Variants in DLGAP1 observed in about 807,000 individuals in gnomAD.
DLGAP1 encodes the protein disks large-associated protein 1.
DLGAP1 carries 11 observed loss-of-function variants against 90.8 expected under a neutral mutation model. The ratio of observed to expected loss-of-function variants is 0.12; its 90% CI spans 0.08 to 0.20. The LOEUF is 0.20. Among genes scored for constraint, DLGAP1 ranks in the 10% least tolerant of loss-of-function variants. DLGAP1 has a pLI of 1.00. For missense variants in DLGAP1, 1,050 were observed against 1,333.8 expected (o/e 0.79, Z 3.31); for synonymous variants, 558 against 540.7 (o/e 1.03, Z -0.44).
intron 1 of DLGAP1, among the ~76,000 whole-genome samples, chr18:4,257,626 CTTTCT>C (rs1329153440): frequency 1.2e-3 from 177 of 151,016 alleles, no homozygotes; most frequent in African/African-American, 4.2e-3. Context: ...TTTTCTTTTC[CTTTCT>C]TTTTTTTTTT....
rs536010280 is a variant in DLGAP1 at position 3,688,283 on chromosome 18, A to C, written c.1591+40852T>G. On this transcript the variant is annotated intron_variant, in intron 7 of 12. Coordinates refer to ENST00000315677, the MANE Select transcript of DLGAP1 (RefSeq NM_004746.4). Reference sequence around the variant, plus strand: ...AAATGGATATAGTTAATGGTTATCAAATGTGAATTTCTTGATTCATATGAA... The same window carrying C: ...AAATGGATATAGTTAATGGTTATCACATGTGAATTTCTTGATTCATATGAA... Among the ~76,000 whole-genome samples, 4 of 152,234 alleles carry C rather than the reference A, an allele frequency of 2.6e-5. No homozygotes were observed. The South Asian group carries it at 8.3e-4, about 32-fold the overall frequency.
At chr18:3,741,220 CAT>C (rs1315227677) in intron 6 of DLGAP1, among the ~76,000 whole-genome samples, 3 of 113,344 alleles carry the variant, frequency 2.6e-5, no homozygotes, top group Non-Finnish European at 3.7e-5. Flanking sequence ...ACCACCACCA[CAT>C]CACCATCACC....
rs1363451801 is a variant in DLGAP1, at chr18:3,933,336, A to G, written c.-72-53196T>C. ...AATACATGCAGTGGGCTGAGAATTG[A>G]TCATCACGGTTCAGGTTGCAGAAAT... is the stretch of plus-strand genomic sequence containing the variant. On this transcript the variant is annotated intron_variant, in intron 3 of 12. Transcript: ENST00000315677. Among the ~76,000 whole-genome samples the G allele has an allele frequency of 4.6e-5, 7 of 152,310 alleles. No individual in the cohort carries two copies. The South Asian group carries it at 1.0e-3, about 23-fold the overall frequency.
At chr18:3,659,812 C>T (rs934829518) in intron 7 of DLGAP1, among the ~76,000 whole-genome samples, 4 of 152,178 alleles carry the variant, frequency 2.6e-5, no homozygotes, top group African/African-American at 9.7e-5. Context: ...GATCCGCCTG[C>T]CTCGGCCTCC....
chr18:3,743,413 G>A (rs1234533932), intron 5 of DLGAP1, among the ~76,000 whole-genome samples: 2 of 151,632 alleles, frequency 1.3e-5, no homozygotes, highest in Non-Finnish European at 2.9e-5. Flanking sequence ...GGAGTGCAGT[G>A]GCGCAACTTT....
Position 3,841,097 on chromosome 18 carries a change from CCCAGTGAAATA to C in DLGAP1, c.958-26835_958-26825del, listed in dbSNP as rs1470092965. ...GTGGTAACAAGTAGCAGTTTGCTTCCCCAGTGAAATACCAGTGGAAGCCCCCCTAAGTAGTC... is the reference window on the plus strand; with the variant it reads ...GTGGTAACAAGTAGCAGTTTGCTTCCCCAGTGGAAGCCCCCCTAAGTAGTC... On this transcript the variant is annotated intron_variant, in intron 4 of 12. Coordinates refer to ENST00000315677, the MANE Select transcript of DLGAP1 (RefSeq NM_004746.4). Among the ~76,000 whole-genome samples, 73 of 152,144 alleles carry C rather than the reference CCCAGTGAAATA, an allele frequency of 4.8e-4. 1 individual carries two copies. The highest frequency in any genetic ancestry group is 5.0e-4 in the Non-Finnish European group (34 of 68,032).
At chr18:3,663,101 G>A (rs1366272559) in intron 7 of DLGAP1, among the ~76,000 whole-genome samples, 1 of 151,952 alleles carries the variant, frequency 6.6e-6, no homozygotes, top group Non-Finnish European at 1.5e-5. Context: ...GTGAAACCCC[G>A]TCTCTACTAA....
At chr18:4,370,674 G>A (rs895916498) in intron 1 of DLGAP1, among the ~76,000 whole-genome samples, 14 of 152,166 alleles carry the variant, frequency 9.2e-5, no homozygotes, top group Non-Finnish European at 1.9e-4. Flanking sequence ...GAAGAGAGAG[G>A]AAGAAGCGCC....
intron 1 of DLGAP1, among the ~76,000 whole-genome samples, chr18:4,437,655 G>A (rs2083434277): frequency 6.6e-6 from 1 of 152,142 alleles, no homozygotes; most frequent in Non-Finnish European, 1.5e-5. Context: ...AGAAACCATG[G>A]ATACAGAAGG....
At chr18:4,280,159 G>C (rs185231821) in intron 1 of DLGAP1, among the ~76,000 whole-genome samples, 1 of 151,858 alleles carries the variant, frequency 6.6e-6, no homozygotes, top group African/African-American at 2.4e-5. Context: ...CTTAATATCT[G>C]TATAAGTTGA....
chr18:4,400,681 T>A (rs1225260351), intron 1 of DLGAP1, among the ~76,000 whole-genome samples: 1 of 152,084 alleles, frequency 6.6e-6, no homozygotes, highest in Non-Finnish European at 1.5e-5. Context: ...GTTAAGACTC[T>A]TAGGACAAAG....
chr18:4,201,667 T>C (rs2077609167), intron 1 of DLGAP1, among the ~76,000 whole-genome samples: 1 of 150,774 alleles, frequency 6.6e-6, no homozygotes, highest in Admixed American at 6.6e-5. Context: ...GGAAAAGATG[T>C]GAACAGACAT....
intron 9 of DLGAP1, among the ~76,000 whole-genome samples, chr18:3,548,091 G>A (rs1271455198): frequency 6.6e-6 from 1 of 152,166 alleles, no homozygotes; most frequent in Admixed American, 6.5e-5. Flanking sequence ...GAGACTGGGA[G>A]GAGAAAGGAA....
At chr18:4,264,848 C>T (rs924191767) in intron 1 of DLGAP1, 6 of 152,194 alleles carry the variant, frequency 3.9e-5, no homozygotes, top group African/African-American at 1.2e-4. Context: ...GATGGCAAGG[C>T]TTTCTCCAGG....
intron 5 of DLGAP1, among the ~76,000 whole-genome samples, chr18:3,787,127 CA>C (rs1433936655): frequency 1.3e-5 from 1 of 79,710 alleles, no homozygotes; most frequent in East Asian, 2.3e-4. Context: ...TCATGATAAT[CA>C]AAATAGGAAC....
chr18:4,384,129 T>C (rs143652145), intron 1 of DLGAP1, among the ~76,000 whole-genome samples: 40 of 152,278 alleles, frequency 2.6e-4, no homozygotes, highest in African/African-American at 8.7e-4. Context: ...TTATTCAATA[T>C]TCTATCTGAT....
chr18:3,686,533 A>G (rs1188651848), intron 7 of DLGAP1, among the ~76,000 whole-genome samples: 2 of 152,226 alleles, frequency 1.3e-5, no homozygotes, highest in African/African-American at 4.8e-5. Flanking sequence ...GTGCATAGCA[A>G]TGGGGGCTCT....
intron 1 of DLGAP1, among the ~76,000 whole-genome samples, chr18:4,420,139 G>A (rs2082995418): frequency 6.6e-6 from 1 of 152,110 alleles, no homozygotes; most frequent in Admixed American, 6.6e-5. Context: ...TCTCTAAGAA[G>A]ACATAACAAT....
intron 5 of DLGAP1, among the ~76,000 whole-genome samples, chr18:3,773,539 T>A (rs181390303): frequency 4.1e-4 from 62 of 152,368 alleles, no homozygotes; most frequent in African/African-American, 1.4e-3. Context: ...GATTGATGAT[T>A]TCAGTTATCT....
Sources: allele counts gnomAD v4.1 joint callset (sites outside exome capture counted in the v4.1 genomes callset), GRCh38; gene constraint gnomAD v4.1.1; transcripts MANE v1.5; gene names NCBI Gene and HGNC (gene_info 2026-07-23, HGNC 2026-07-21).